The following DLGAP1 variants were observed in gnomAD, a reference collection of about 807,000 sequenced individuals.
The protein encoded by DLGAP1 is DLG associated protein 1.
In DLGAP1, 11 loss-of-function variants were observed where a neutral mutation model predicts 90.8. The ratio of observed to expected loss-of-function variants is 0.12; its 90% CI spans 0.08 to 0.20. The LOEUF is 0.20. Among genes scored for constraint, DLGAP1 ranks in the 10% least tolerant of loss-of-function variants. The probability of loss-of-function intolerance (pLI) is 1.00; values close to 1 mark genes in which losing one functional copy is unlikely to be tolerated. For missense variants in DLGAP1, 1,050 were observed against 1,333.8 expected (o/e 0.79, Z 3.31); for synonymous variants, 558 against 540.7 (o/e 1.03, Z -0.44).
intron 7 of DLGAP1, among the ~76,000 whole-genome samples, chr18:3,685,963 C>T (rs1567961825): frequency 1.3e-5 from 2 of 152,152 alleles, no homozygotes; most frequent in Non-Finnish European, 2.9e-5. Flanking sequence ...CACCTGATGT[C>T]AGGAGTTCGA....
intron 4 of DLGAP1, among the ~76,000 whole-genome samples, chr18:3,867,877 T>C (rs2070499866): frequency 6.6e-6 from 1 of 152,222 alleles, no homozygotes; most frequent in African/African-American, 2.4e-5. Context: ...GCTTGTTCAG[T>C]TCATGAGATC....
chr18:4,077,669 C>T (rs2075543594), intron 2 of DLGAP1, among the ~76,000 whole-genome samples: 1 of 152,144 alleles, frequency 6.6e-6, no homozygotes, highest in African/African-American at 2.4e-5. Context: ...AGCCTGTGGC[C>T]ATCACCAGAT....
chr18:3,622,318 G>T (rs1206931577), intron 7 of DLGAP1, among the ~76,000 whole-genome samples: 1 of 152,084 alleles, frequency 6.6e-6, no homozygotes, highest in Non-Finnish European at 1.5e-5. Context: ...TGTTAGCCAG[G>T]ATGGTCTCGA....
At chr18:4,283,042 G>A (rs1455562946) in intron 1 of DLGAP1, among the ~76,000 whole-genome samples, 1 of 152,152 alleles carries the variant, frequency 6.6e-6, no homozygotes, top group Non-Finnish European at 1.5e-5. Context: ...CAAAATGAAT[G>A]GGACAGGCTA....
At chr18:4,299,006 G>A (rs1300376805) in intron 1 of DLGAP1, among the ~76,000 whole-genome samples, 4 of 151,218 alleles carry the variant, frequency 2.6e-5, no homozygotes, top group Admixed American at 1.3e-4. Flanking sequence ...GTGTGAACCC[G>A]GGAGGCACAG....
At chr18:3,629,540 T>C (rs1036772705) in intron 7 of DLGAP1, among the ~76,000 whole-genome samples, 89 of 151,754 alleles carry the variant, frequency 5.9e-4, no homozygotes, top group Non-Finnish European at 6.3e-4. Flanking sequence ...GGCGTGTTGG[T>C]GGGCGCCTGT....
chr18:4,015,116 T>C (rs763420593), intron 2 of DLGAP1, among the ~76,000 whole-genome samples: 37 of 152,150 alleles, frequency 2.4e-4, no homozygotes, highest in Non-Finnish European at 5.1e-4. Context: ...TTCCTGACGG[T>C]GACTCTTCTG....
At chr18:3,661,861 A>T (rs2059695842) in intron 7 of DLGAP1, among the ~76,000 whole-genome samples, 1 of 151,894 alleles carries the variant, frequency 6.6e-6, no homozygotes. Flanking sequence ...GGATTACAGG[A>T]GTTAGCCACT....
chr18:3,506,881 G>C (rs1313116016), intron 11 of DLGAP1, among the ~76,000 whole-genome samples: 1 of 152,132 alleles, frequency 6.6e-6, no homozygotes, highest in Admixed American at 6.6e-5. Context: ...AAGCTTGATA[G>C]AATACTCGTT....
intron 5 of DLGAP1, among the ~76,000 whole-genome samples, chr18:3,805,807 G>C (rs1224195870): frequency 6.6e-6 from 1 of 152,188 alleles, no homozygotes; most frequent in Non-Finnish European, 1.5e-5. Flanking sequence ...AACTCAGCTT[G>C]TTTCAAAAGA....
chr18:3,831,265 G>A (rs1451824500), intron 4 of DLGAP1, among the ~76,000 whole-genome samples: 1 of 152,144 alleles, frequency 6.6e-6, no homozygotes, highest in Non-Finnish European at 1.5e-5. Context: ...ATGGCAGGAC[G>A]AGTCAAACAG....
intron 7 of DLGAP1, among the ~76,000 whole-genome samples, chr18:3,675,145 C>G (rs112999267): frequency 6.6e-6 from 1 of 152,122 alleles, no homozygotes; most frequent in Non-Finnish European, 1.5e-5. Flanking sequence ...GATCTCGGCT[C>G]GCTGCAATCT....
chr18:3,713,638 C>T (rs1023220087), intron 7 of DLGAP1, among the ~76,000 whole-genome samples: 1 of 152,210 alleles, frequency 6.6e-6, no homozygotes, highest in African/African-American at 2.4e-5. Context: ...GCTTATACTT[C>T]TATTTTCAGA....
intron 7 of DLGAP1, among the ~76,000 whole-genome samples, chr18:3,608,818 T>C (rs2057451078): frequency 6.6e-6 from 1 of 152,084 alleles, no homozygotes; most frequent in Non-Finnish European, 1.5e-5. Context: ...CTAGTTGAAA[T>C]CTGAAATACT....
intron 7 of DLGAP1, among the ~76,000 whole-genome samples, chr18:3,624,707 G>A (rs1446132114): frequency 6.6e-6 from 1 of 152,140 alleles, no homozygotes; most frequent in Non-Finnish European, 1.5e-5. Flanking sequence ...AAAGAAGAGG[G>A]AAAACAGACT....
intron 1 of DLGAP1, among the ~76,000 whole-genome samples, chr18:4,372,485 G>A (rs569778058): frequency 5.3e-5 from 8 of 152,364 alleles, no homozygotes; most frequent in African/African-American, 1.7e-4. Flanking sequence ...AGCATGTAAA[G>A]AGGAATAGAA....
chr18:4,199,267 T>C (rs1414984667), intron 1 of DLGAP1, among the ~76,000 whole-genome samples: 2 of 152,242 alleles, frequency 1.3e-5, no homozygotes, highest in Non-Finnish European at 2.9e-5. Context: ...GTCTTCTTGC[T>C]TGCCTTCAGA....
intron 1 of DLGAP1, among the ~76,000 whole-genome samples, chr18:4,164,461 C>T (rs1335549612): frequency 2.6e-5 from 4 of 152,060 alleles, no homozygotes; most frequent in Admixed American, 2.0e-4. Context: ...TGGGTGATCA[C>T]CTGAGGTCAG....
intron 1 of DLGAP1, among the ~76,000 whole-genome samples, chr18:4,217,659 T>A (rs954713674): frequency 6.6e-6 from 1 of 152,060 alleles, no homozygotes; most frequent in African/African-American, 2.4e-5. Context: ...TTGTATATTG[T>A]TTTTGGTGAG....
Sources: gnomAD v4.1 joint callset for allele counts (sites outside exome capture counted in the v4.1 genomes callset) on GRCh38, gnomAD v4.1.1 for gene constraint, MANE v1.5 for transcripts, NCBI Gene and HGNC (gene_info 2026-07-23, HGNC 2026-07-21) for gene names.